RAB28: variants seen among roughly 807,000 people sequenced by gnomAD.
The protein encoded by RAB28 is RAB28, member RAS oncogene family, also known as ras-related protein Rab-28.
A neutral mutation model predicts 31.7 loss-of-function variants in RAB28; 24 were observed. That is an observed-to-expected ratio of 0.76 (90% confidence interval 0.55 to 1.06). The LOEUF (loss-of-function observed/expected upper bound fraction) is 1.06. Among genes scored for constraint, RAB28 ranks in the 50% least tolerant of loss-of-function variants. RAB28 has a pLI of 0.00. For synonymous variants in RAB28, 100 were observed against 90.4 expected (o/e 1.11, Z -0.60); for missense variants, 254 against 258.5 (o/e 0.98, Z 0.12).
At chr4:13,371,088 G>A (rs1258422255) in intron 6 of RAB28, 3 of 984,812 alleles carry the variant, frequency 3.0e-6, no homozygotes, top group Non-Finnish European at 3.6e-6. Context: ...TGCTGTGTGT[G>A]ACTACATTTA....
At chr4:13,379,144 T>C (rs377409448) in intron 5 of RAB28, among the ~76,000 whole-genome samples, 2 of 142,754 alleles carry the variant, frequency 1.4e-5, no homozygotes, top group African/African-American at 5.3e-5. Context: ...AGGCGGAGGC[T>C]GCAGTGAGCT....
chr4:13,479,545 G>C lies in RAB28; in HGVS notation c.76-19C>G, dbSNP rs1716515507. On this transcript the variant is annotated intron_variant, in intron 1 of 6. Coordinates refer to ENST00000330852, the MANE Select transcript of RAB28 (RefSeq NM_001017979.3). ...AGGAGGTCTAAAAAATTGATGCACA[G>C]AATGTCAAAATTAATTCATTAAAGA... The C allele has an allele frequency of 6.9e-7, 1 of 1,459,710 alleles. No homozygotes were observed. The highest frequency in any genetic ancestry group is 1.4e-5 in the African/African-American group (1 of 71,128). The allele number at this position is 1,459,710 out of a possible 1,614,324, so 90.4% of individuals were successfully genotyped here.
intron 3 of RAB28, among the ~76,000 whole-genome samples, chr4:13,464,809 G>T (rs971547299): frequency 6.6e-6 from 1 of 152,064 alleles, no homozygotes; most frequent in Admixed American, 6.6e-5. Context: ...AAGGTAATTT[G>T]AAGAAAGAAA....
intron 3 of RAB28, among the ~76,000 whole-genome samples, chr4:13,473,058 T>A (rs1426542365): frequency 1.3e-5 from 2 of 151,944 alleles, no homozygotes; most frequent in African/African-American, 4.8e-5. Flanking sequence ...CTCTGGGGCC[T>A]TTATAAGTGA....
chr4:13,443,735 T>C (rs34465101), intron 4 of RAB28, among the ~76,000 whole-genome samples: 8,513 of 152,218 alleles, frequency 0.056, 542 homozygotes, highest in African/African-American at 0.16. Context: ...TCAATTTTCA[T>C]GTCTATGTTT....
At chr4:13,377,532 G>A (rs1423021128) in intron 5 of RAB28, among the ~76,000 whole-genome samples, 1 of 152,170 alleles carries the variant, frequency 6.6e-6, no homozygotes, top group African/African-American at 2.4e-5. Flanking sequence ...GAGAAAGAGT[G>A]GTTATAAAAG....
chr4:13,427,645 C>T (rs1244677220), intron 4 of RAB28, among the ~76,000 whole-genome samples: 2 of 152,138 alleles, frequency 1.3e-5, no homozygotes, highest in Non-Finnish European at 2.9e-5. Context: ...TTTTTTACTA[C>T]TAAGCTGCAC....
intron 1 of RAB28, among the ~76,000 whole-genome samples, chr4:13,483,201 A>G (rs28739534): frequency 0.085 from 12,950 of 152,166 alleles, 1,021 homozygotes; most frequent in African/African-American, 0.21. Context: ...ACCGGGCAGT[A>G]TTTACTCCAT....
chr4:13,419,076 C>CA (rs777918931), intron 4 of RAB28, among the ~76,000 whole-genome samples: 9 of 149,920 alleles, frequency 6.0e-5, no homozygotes, highest in Admixed American at 1.3e-4. Context: ...TAAATGAAAG[C>CA]AAAAAAAAGC....
intron 4 of RAB28, among the ~76,000 whole-genome samples, chr4:13,444,030 T>TC (rs928676336): frequency 1.1e-4 from 17 of 151,664 alleles, no homozygotes; most frequent in African/African-American, 4.1e-4. Flanking sequence ...TTTTTTTTTT[T>TC]TTTCTTTTTT....
intron 4 of RAB28, among the ~76,000 whole-genome samples, chr4:13,417,173 C>T (rs1712833026): frequency 6.6e-6 from 1 of 152,238 alleles, no homozygotes; most frequent in African/African-American, 2.4e-5. Flanking sequence ...AGGCAGCCGC[C>T]TGGCAGAGGG....
intron 4 of RAB28, among the ~76,000 whole-genome samples, chr4:13,409,859 G>T (rs1712325390): frequency 6.6e-6 from 1 of 152,156 alleles, no homozygotes; most frequent in African/African-American, 2.4e-5. Context: ...GTCCCTGCCT[G>T]CTATAATTTG....
chr4:13,444,475 G>A (rs1714597174), intron 4 of RAB28, among the ~76,000 whole-genome samples: 1 of 152,104 alleles, frequency 6.6e-6, no homozygotes, highest in Non-Finnish European at 1.5e-5. Flanking sequence ...GAATAATGCT[G>A]CAATGAACTT....
At chr4:13,391,571 T>C (rs1228676380) in intron 4 of RAB28, among the ~76,000 whole-genome samples, 2 of 152,126 alleles carry the variant, frequency 1.3e-5, no homozygotes, top group East Asian at 1.9e-4. Flanking sequence ...ACCCAAAGGA[T>C]TATAAATCAC....
intron 4 of RAB28, among the ~76,000 whole-genome samples, chr4:13,393,965 G>A (rs1438506551): frequency 6.6e-6 from 1 of 151,742 alleles, no homozygotes; most frequent in African/African-American, 2.4e-5. Context: ...TACTGTGCTA[G>A]TAAGCACAAG....
intron 4 of RAB28, among the ~76,000 whole-genome samples, chr4:13,389,189 G>A (rs1345793305): frequency 2.6e-5 from 4 of 152,176 alleles, no homozygotes; most frequent in Non-Finnish European, 4.4e-5. Flanking sequence ...ATTACGTTAA[G>A]TGAAATAAGC....
rs1456448874 is a variant in RAB28, at chr4:13,484,119, C to T, written c.32G>A (p.Arg11Gln). ...CCCCAGCACGACGATTTTCAGTTGC[C>T]GGTCCTGGCTCTCCTCCTCAGAGTC... Reference protein sequence around the residue: MSDSEEESQDRQLKIVVLGDG... With the variant: MSDSEEESQDQQLKIVVLGDG... The change falls in exon 1 of 7, where the codon CGG becomes CAG. Residue 11 changes from arginine to glutamine, a missense_variant. By Grantham distance (43) the Arg-to-Gln change is conservative (BLOSUM62 1). Transcript: ENST00000330852. 1.3e-6 allele frequency: 2 copies of T among 1,599,980 alleles called. No individual in the cohort carries two copies. Among genetic ancestry groups the T allele is most frequent in the African/African-American group, 1.3e-5 (1 of 74,634 alleles).
intron 4 of RAB28, among the ~76,000 whole-genome samples, chr4:13,390,431 G>T (rs1334837613): frequency 6.6e-6 from 1 of 151,950 alleles, no homozygotes; most frequent in East Asian, 1.9e-4. Context: ...CAAACAAATG[G>T]ATGAATATTC....
At chr4:13,402,537 T>TG (rs1478899074) in intron 4 of RAB28, among the ~76,000 whole-genome samples, 6 of 152,346 alleles carry the variant, frequency 3.9e-5, no homozygotes, top group Admixed American at 3.9e-4. Flanking sequence ...CATGTTAATA[T>TG]AGTTACTTCA....
Sources: allele counts gnomAD v4.1 joint callset (sites outside exome capture counted in the v4.1 genomes callset), GRCh38; gene constraint gnomAD v4.1.1; transcripts MANE v1.5; gene names NCBI Gene and HGNC (gene_info 2026-07-23, HGNC 2026-07-21).